The following HIVEP3 variants were observed in gnomAD, a reference collection of about 807,000 sequenced individuals.
HIVEP3 encodes transcription factor HIVEP3.
HIVEP3 carries 49 observed loss-of-function variants against 152.8 expected under a neutral mutation model. That is an observed-to-expected ratio of 0.32 (90% CI 0.26 to 0.41). HIVEP3 has a LOEUF of 0.41. HIVEP3 is among the 10% of genes least tolerant of loss of function. The pLI, the probability that HIVEP3 is intolerant of heterozygous loss-of-function variation, is 1.00. For missense variants in HIVEP3, 2,790 were observed against 3,103.3 expected, an observed-to-expected ratio of 0.90 and a Z score of 2.40; for synonymous variants, 1,269 against 1,289.0, an observed-to-expected ratio of 0.98 and a Z score of 0.33.
intron 3 of HIVEP3, among the ~76,000 whole-genome samples, chr1:41,614,090 G>A (rs1644934345): frequency 6.6e-6 from 1 of 152,224 alleles, no homozygotes; most frequent in Non-Finnish European, 1.5e-5. Context: ...GTGGCGTCCG[G>A]CAGCAGATGT....
At chr1:41,899,400 T>G (rs975197792) in intron 1 of HIVEP3, among the ~76,000 whole-genome samples, 1 of 152,214 alleles carries the variant, frequency 6.6e-6, no homozygotes, top group African/African-American at 2.4e-5. Context: ...TGTCTGTTTT[T>G]TATTTTATTT....
At chr1:42,008,987 C>A (rs1168007159) in intron 1 of HIVEP3, among the ~76,000 whole-genome samples, 1 of 152,106 alleles carries the variant, frequency 6.6e-6, no homozygotes, top group Non-Finnish European at 1.5e-5. Flanking sequence ...CTAGAACTAC[C>A]GTGGATATCT....
intron 5 of HIVEP3, among the ~76,000 whole-genome samples, chr1:41,528,869 C>T (rs560495269): frequency 1.4e-5 from 2 of 141,928 alleles, no homozygotes; most frequent in Admixed American, 1.4e-4. Flanking sequence ...TTCACACACT[C>T]CACACTTCCA....
intron 1 of HIVEP3, among the ~76,000 whole-genome samples, chr1:41,798,347 T>C (rs1263108204): frequency 1.3e-5 from 2 of 151,978 alleles, no homozygotes; most frequent in Non-Finnish European, 2.9e-5. Context: ...ATCCAAATCG[T>C]GGTCCCTTGT....
chr1:41,738,100 AG>A (rs1243718274), intron 1 of HIVEP3, among the ~76,000 whole-genome samples: 10 of 152,212 alleles, frequency 6.6e-5, no homozygotes, highest in Admixed American at 5.2e-4. Flanking sequence ...CACCTCTGGG[AG>A]GGCAGGGTCC....
chr1:41,751,856 G>A (rs1338876311), intron 1 of HIVEP3, among the ~76,000 whole-genome samples: 1 of 152,166 alleles, frequency 6.6e-6, no homozygotes, highest in Non-Finnish European at 1.5e-5. Context: ...TCAGGCTGCC[G>A]ATGAGCAAGT....
At chr1:41,882,060 T>A (rs2124428046) in intron 1 of HIVEP3, among the ~76,000 whole-genome samples, 1 of 152,350 alleles carries the variant, frequency 6.6e-6, no homozygotes, top group Non-Finnish European at 1.5e-5. Flanking sequence ...GCTTAATGTT[T>A]TTGTAGACAC....
chr1:41,529,768 A>T (rs1643183926), intron 5 of HIVEP3, among the ~76,000 whole-genome samples: 1 of 138,694 alleles, frequency 7.2e-6, no homozygotes, highest in Non-Finnish European at 1.6e-5. Context: ...CCCCAGACTC[A>T]CTTCCACATC....
At position 41,513,517 on chromosome 1, in the gene HIVEP3, G is replaced by A; in HGVS notation, c.5704C>T (p.Pro1902Ser). Reference protein sequence around the residue: ...ADSSPILGPQPPDAPASGTEA... With the variant: ...ADSSPILGPQSPDAPASGTEA... ...GTGCCAGAGGCGGGGGCATCTGGGG[G>A]CTGAGGGCCCAGGATGGGTGAGGAG... Residue 1902 changes from proline (P) to serine (S), a missense_variant, in exon 8 of 9, where the codon CCC (proline) becomes TCC (serine). Around this residue, in one of 9 missense-constraint regions of HIVEP3, gnomAD observed 816 missense variants for 806.5 expected, o/e 1.01. Transcript: ENST00000372583. 1 of 1,604,628 alleles carries A rather than the reference G, an allele frequency of 6.2e-7. No homozygotes were observed. The highest frequency in any genetic ancestry group is 8.5e-7 in the Non-Finnish European group (1 of 1,175,896).
At position 41,891,146 on chromosome 1, in the gene HIVEP3, G is replaced by A. The variant is rs577379359; in HGVS notation, c.-801+27267C>T. ...GATCTGATCTTTTTCCAGGAAACTC[G>A]TCTGGTGTAAGATTTATGTGTCCAA... On this transcript the variant is annotated intron_variant, in intron 1 of 8. Transcript: ENST00000372583. 5.9e-5 allele frequency among the ~76,000 whole-genome samples: 9 copies of A among 152,208 alleles called. No individual in the cohort carries two copies. In the South Asian group the frequency reaches 6.2e-4, roughly 11 times the overall value.
intron 1 of HIVEP3, among the ~76,000 whole-genome samples, chr1:41,713,830 G>A (rs1186683960): frequency 6.6e-6 from 1 of 152,238 alleles, no homozygotes; most frequent in African/African-American, 2.4e-5. Context: ...GCAGGGAAAT[G>A]AGTGGGTGAT....
chr1:41,977,192 C>A (rs1462760925), intron 1 of HIVEP3, among the ~76,000 whole-genome samples: 4 of 151,916 alleles, frequency 2.6e-5, no homozygotes, highest in Non-Finnish European at 5.9e-5. Flanking sequence ...GGGAGAGAAA[C>A]AAGGTAAAAA....
intron 2 of HIVEP3, among the ~76,000 whole-genome samples, chr1:41,682,105 T>TTC (rs146750157): frequency 1.6e-3 from 242 of 150,944 alleles, no homozygotes; most frequent in Non-Finnish European, 2.6e-3. Context: ...TGTGGTCTCT[T>TTC]TCTCTCTCTC....
chr1:41,920,881 C>A (rs1430059363), upstream of HIVEP3, among the ~76,000 whole-genome samples: 1 of 152,222 alleles, frequency 6.6e-6, no homozygotes, highest in African/African-American at 2.4e-5. Context: ...GCTGTATCTT[C>A]AGCAGGCTTA....
chr1:41,845,453 ACACACG>A (rs926690619), intron 1 of HIVEP3, among the ~76,000 whole-genome samples: 4 of 136,536 alleles, frequency 2.9e-5, no homozygotes, highest in African/African-American at 5.7e-5. Context: ...ACACACACAC[ACACACG>A]CCTCTTTCTG....
chr1:41,582,377 C>T lies in HIVEP3; in HGVS notation c.2421G>A (p.Glu807=). 1.2e-6 allele frequency: 2 copies of T among 1,614,218 alleles called. No individual in the cohort carries two copies. The highest frequency in any genetic ancestry group is 2.2e-5 in the South Asian group (2 of 91,084). The part of the protein sequence containing the change: ...ISVIQHTSSF[E]KSDSLEQPSG... ...TCGGCTGCTCGAGAGAATCAGATTT[C>T]TCAAAGGAGCTGGTGTGCTGGATGA... The change falls in exon 4 of 9, where the codon GAG becomes GAA. Residue 807 remains glutamate (E), a synonymous_variant. Coordinates refer to ENST00000372583, the MANE Select transcript of HIVEP3 (RefSeq NM_024503.5). The surrounding 1 kb of genome is among the most constrained non-coding windows in gnomAD (Gnocchi z 4.7).
At chr1:41,679,720 C>T (rs571456859) in intron 2 of HIVEP3, among the ~76,000 whole-genome samples, 3 of 152,336 alleles carry the variant, frequency 2.0e-5, no homozygotes, top group African/African-American at 7.2e-5. Context: ...CAGCCCTGCC[C>T]ATCACTGAAT....
At position 41,680,169 on chromosome 1, in the gene HIVEP3, T is replaced by C. The variant is rs369632089; in HGVS notation, c.-721+20747A>G. Among the ~76,000 whole-genome samples the C allele has an allele frequency of 4.6e-5, 7 of 152,258 alleles. No homozygotes were observed. In the South Asian group the frequency reaches 1.5e-3, roughly 32 times the overall value. On this transcript the variant is annotated intron_variant, in intron 2 of 8. Transcript: ENST00000372583. ...GGGCCAGACAGCTAAGGATGTGACA[T>C]AGTCATTTCTCTACAGGTCACGTTG...
At chr1:41,611,292 G>A (rs371094712) in intron 3 of HIVEP3, among the ~76,000 whole-genome samples, 7 of 152,130 alleles carry the variant, frequency 4.6e-5, no homozygotes, top group African/African-American at 1.2e-4. Flanking sequence ...AGCTATACAC[G>A]GGCAAAGGGA....
Sources: gnomAD v4.1 joint callset for allele counts (sites outside exome capture counted in the v4.1 genomes callset) on GRCh38, gnomAD v4.1.1 for gene constraint, gnomAD v4.1.1 regional missense constraint, Gnocchi (gnomAD v3.1) non-coding constraint, MANE v1.5 for transcripts, NCBI Gene and HGNC (gene_info 2026-07-23, HGNC 2026-07-21) for gene names.